Variants in PLSCR2 observed in about 807,000 individuals in gnomAD.
PLSCR2 encodes phospholipid scramblase 2.
A neutral mutation model predicts 25.3 loss-of-function variants in PLSCR2; 18 were observed. That is an observed-to-expected ratio of 0.71 (90% CI 0.49 to 1.06). The LOEUF is 1.06. Ranked by LOEUF, PLSCR2 falls within the 50% of genes least tolerant of loss-of-function variation. PLSCR2 has a pLI of 0.00. For synonymous variants in PLSCR2, 88 were observed against 87.3 expected (o/e 1.01, Z -0.04); for missense variants, 243 against 269.5 (o/e 0.90, Z 0.69).
intron 2 of PLSCR2, among the ~76,000 whole-genome samples, chr3:146,420,382 AT>A (rs2039106779): frequency 6.6e-6 from 1 of 151,910 alleles, no homozygotes; most frequent in African/African-American, 2.4e-5. Flanking sequence ...CTACTTATTA[AT>A]TTTTCTATAT....
Position 146,459,799 on chromosome 3 carries a change from G to A in PLSCR2, c.57+49C>T. 4 of 1,325,056 alleles carry A rather than the reference G, an allele frequency of 3.0e-6. No homozygotes were observed. The South Asian group carries it at 5.1e-5, about 17-fold the overall frequency. 82.1% of individuals were successfully genotyped at this position (1,325,056 alleles called of 1,614,324 possible). A position where few individuals can be genotyped will look rare whatever the true frequency, so the allele number is the denominator to read the frequency against. Reference sequence around the variant, plus strand: ...CATAATTACTATGGTTCATAAACCAGAAAGAGAGTTTTTTTTTTTTTCTGA... The same window carrying A: ...CATAATTACTATGGTTCATAAACCAAAAAGAGAGTTTTTTTTTTTTTCTGA... On this transcript the variant is annotated intron_variant, in intron 2 of 6. Coordinates refer to ENST00000610787, the Ensembl canonical transcript of PLSCR2.
chr3:146,436,312 A>T (rs2039856099), intron 8 of PLSCR2, among the ~76,000 whole-genome samples: 1 of 152,188 alleles, frequency 6.6e-6, no homozygotes, highest in African/African-American at 2.4e-5. Context: ...CTGTGAAGAA[A>T]GTTCATTGGT....
At chr3:146,443,305 T>TC (rs906443862) in intron 6 of PLSCR2, among the ~76,000 whole-genome samples, 3 of 151,982 alleles carry the variant, frequency 2.0e-5, no homozygotes, top group African/African-American at 4.8e-5. Context: ...CACGTATTCC[T>TC]CCCCCCTCTA....
chr3:146,479,806 C>A (rs2043065693), intron 1 of PLSCR2, among the ~76,000 whole-genome samples: 1 of 152,184 alleles, frequency 6.6e-6, no homozygotes, highest in South Asian at 2.1e-4. Context: ...CCACATTGCA[C>A]TTATTCTAAA....
intron 2 of PLSCR2, among the ~76,000 whole-genome samples, chr3:146,401,059 C>T (rs1485647472): frequency 6.6e-6 from 1 of 151,814 alleles, no homozygotes; most frequent in Admixed American, 6.6e-5. Context: ...ATAGGAAACA[C>T]GAGGTAGAGT....
intron 2 of PLSCR2, among the ~76,000 whole-genome samples, chr3:146,413,973 T>C (rs1188583227): frequency 2.0e-5 from 3 of 148,400 alleles, no homozygotes; most frequent in African/African-American, 7.4e-5. Flanking sequence ...GAGATTTATT[T>C]CTAAAATTCT....
intron 6 of PLSCR2, among the ~76,000 whole-genome samples, chr3:146,444,639 G>T (rs2108269532): frequency 6.6e-6 from 1 of 151,826 alleles, no homozygotes; most frequent in Middle Eastern, 3.4e-3. Flanking sequence ...GTCTATGCGT[G>T]TCTTTAGAGG....
chr3:146,440,103 G>A (rs1011959867), downstream of PLSCR2, among the ~76,000 whole-genome samples: 7 of 152,134 alleles, frequency 4.6e-5, no homozygotes, highest in South Asian at 4.1e-4. Flanking sequence ...ATTGCAGAAC[G>A]GCAAATGTTG....
At chr3:146,435,689 T>C (rs1475444431) in intron 8 of PLSCR2, among the ~76,000 whole-genome samples, 1 of 152,214 alleles carries the variant, frequency 6.6e-6, no homozygotes, top group Non-Finnish European at 1.5e-5. Context: ...GTCAGATGGG[T>C]AGATTGTAAA....
chr3:146,460,073 T>A (rs1311363310), exon 2 of PLSCR2: 5 of 1,529,910 alleles, frequency 3.3e-6, no homozygotes, highest in Non-Finnish European at 4.4e-6. Context: ...AGACAATATG[T>A]CCGGGAGGTC....
chr3:146,401,878 G>A (rs1314462437), intron 2 of PLSCR2, among the ~76,000 whole-genome samples: 1 of 151,364 alleles, frequency 6.6e-6, no homozygotes. Context: ...CCTTATTATA[G>A]AATTTTTAAA....
intron 1 of PLSCR2, among the ~76,000 whole-genome samples, chr3:146,491,303 G>A (rs1407487062): frequency 6.6e-6 from 1 of 151,376 alleles, no homozygotes; most frequent in Non-Finnish European, 1.5e-5. Flanking sequence ...TGTTTGCATT[G>A]ACTTAGAAAA....
At chr3:146,444,385 A>G (rs543749084) in intron 6 of PLSCR2, among the ~76,000 whole-genome samples, 1 of 149,766 alleles carries the variant, frequency 6.7e-6, no homozygotes, top group South Asian at 2.1e-4. Context: ...CTGTTATTGT[A>G]TTGGGGTCTA....
intron 2 of PLSCR2, among the ~76,000 whole-genome samples, chr3:146,397,608 C>T (rs1236552244): frequency 2.0e-5 from 3 of 151,972 alleles, no homozygotes; most frequent in Non-Finnish European, 4.4e-5. Flanking sequence ...AAAATTGTTT[C>T]GCTTCAAACA....
At chr3:146,403,828 A>G (rs1184609452) in intron 2 of PLSCR2, among the ~76,000 whole-genome samples, 1 of 152,208 alleles carries the variant, frequency 6.6e-6, no homozygotes, top group Non-Finnish European at 1.5e-5. Flanking sequence ...ATCATGTTAA[A>G]TATAAATTCT....
At chr3:146,392,672 T>G (rs1469256972) in intron 3 of PLSCR2, among the ~76,000 whole-genome samples, 1 of 151,716 alleles carries the variant, frequency 6.6e-6, no homozygotes, top group African/African-American at 2.4e-5. Context: ...ATATTTAATA[T>G]TATGAGGTTT....
intron 3 of PLSCR2, among the ~76,000 whole-genome samples, chr3:146,394,238 T>C (rs2038196941): frequency 6.6e-6 from 1 of 152,102 alleles, no homozygotes; most frequent in Admixed American, 6.6e-5. Context: ...ACAGATACTT[T>C]AAAAATCCAA....
intron 6 of PLSCR2, among the ~76,000 whole-genome samples, chr3:146,442,693 C>T (rs2040322780): frequency 6.6e-6 from 1 of 151,860 alleles, no homozygotes; most frequent in African/African-American, 2.4e-5. Flanking sequence ...AAAGGTACCA[C>T]CACCACACAA....
At chr3:146,415,996 G>A (rs1419352711) in intron 2 of PLSCR2, among the ~76,000 whole-genome samples, 3 of 151,944 alleles carry the variant, frequency 2.0e-5, no homozygotes, top group African/African-American at 7.3e-5. Flanking sequence ...TGTCACCCAG[G>A]TTGGAGTGCA....
Sources: gnomAD v4.1 joint callset for allele counts (sites outside exome capture counted in the v4.1 genomes callset) on GRCh38, gnomAD v4.1.1 for gene constraint, MANE v1.5 for transcripts, NCBI Gene and HGNC (gene_info 2026-07-23, HGNC 2026-07-21) for gene names.